Variants in GALNT10 observed in about 807,000 individuals in gnomAD.
GALNT10 encodes polypeptide N-acetylgalactosaminyltransferase 10.
Under a neutral mutation model 75.0 loss-of-function variants are expected in GALNT10, and 41 were observed. That is an observed-to-expected ratio of 0.55 (90% confidence interval 0.43 to 0.71). GALNT10 has a LOEUF of 0.71. Ranked by LOEUF, GALNT10 falls within the 30% of genes least tolerant of loss-of-function variation. The probability of loss-of-function intolerance (pLI) is 0.00; values close to 1 mark genes in which losing one functional copy is unlikely to be tolerated. For synonymous variants in GALNT10, 302 were observed against 313.0 expected, an observed-to-expected ratio of 0.96 and a Z score of 0.37; for missense variants, 727 against 818.5, an observed-to-expected ratio of 0.89 and a Z score of 1.36.
intron 1 of GALNT10, among the ~76,000 whole-genome samples, chr5:154,203,226 G>A (rs1775054115): frequency 6.6e-6 from 1 of 152,060 alleles, no homozygotes; most frequent in Admixed American, 6.5e-5. Context: ...CTCTCTGTCT[G>A]TGTGTGTTTC....
At chr5:154,268,334 C>T (rs894333563) in intron 1 of GALNT10, among the ~76,000 whole-genome samples, 10 of 152,134 alleles carry the variant, frequency 6.6e-5, no homozygotes, top group African/African-American at 2.2e-4. Context: ...CAGACTCCTA[C>T]GAGTCCACCA....
chr5:154,310,159 A>G (rs1754491797), intron 3 of GALNT10, among the ~76,000 whole-genome samples: 1 of 152,172 alleles, frequency 6.6e-6, no homozygotes, highest in African/African-American at 2.4e-5. Context: ...GAATAGAGAC[A>G]GGCTTCAAAG....
chr5:154,243,117 T>G (rs1414368524), intron 1 of GALNT10, among the ~76,000 whole-genome samples: 1 of 152,000 alleles, frequency 6.6e-6, no homozygotes, highest in Non-Finnish European at 1.5e-5. Context: ...CAAAATGAGA[T>G]AGCATCAGCC....
chr5:154,200,724 A>T (rs2113641772), intron 1 of GALNT10, among the ~76,000 whole-genome samples: 1 of 152,286 alleles, frequency 6.6e-6, no homozygotes, highest in South Asian at 2.1e-4. Context: ...TGGCTATTTC[A>T]TTCAGAGAGC....
chr5:154,370,373 G>A (rs973780247), intron 4 of GALNT10, among the ~76,000 whole-genome samples: 3 of 152,228 alleles, frequency 2.0e-5, no homozygotes, highest in African/African-American at 7.2e-5. Flanking sequence ...TGAGTGCCTT[G>A]AAGGATGAGT....
intron 1 of GALNT10, among the ~76,000 whole-genome samples, chr5:154,220,783 AG>A (rs1224145152): frequency 1.3e-5 from 2 of 152,234 alleles, no homozygotes; most frequent in African/African-American, 4.8e-5. Flanking sequence ...CCTTTCTGAC[AG>A]ACTCTGGGGT....
At chr5:154,328,693 G>A (rs970758381) in intron 3 of GALNT10, among the ~76,000 whole-genome samples, 1 of 152,170 alleles carries the variant, frequency 6.6e-6, no homozygotes, top group Non-Finnish European at 1.5e-5. Context: ...GATGCCATTT[G>A]CAAATCCAGA....
At chr5:154,196,548 C>T (rs139553597) in intron 1 of GALNT10, among the ~76,000 whole-genome samples, 4 of 152,222 alleles carry the variant, frequency 2.6e-5, no homozygotes, top group African/African-American at 9.6e-5. Flanking sequence ...CTGACTTTCT[C>T]TGTGTGTTGG....
intron 1 of GALNT10, among the ~76,000 whole-genome samples, chr5:154,206,577 G>A (rs997978178): frequency 3.9e-5 from 6 of 152,224 alleles, no homozygotes; most frequent in South Asian, 4.1e-4. Context: ...AATCAGGAAG[G>A]ACTTCTGAAA....
chr5:154,259,887 C>T (rs2113022668), intron 1 of GALNT10, among the ~76,000 whole-genome samples: 1 of 152,274 alleles, frequency 6.6e-6, no homozygotes. Context: ...TATTTAGCAC[C>T]TTTTGTATAC....
chr5:154,400,585 A>C (rs1282539602), intron 7 of GALNT10, among the ~76,000 whole-genome samples: 1 of 152,340 alleles, frequency 6.6e-6, no homozygotes, highest in Middle Eastern at 3.4e-3. Flanking sequence ...TGGACAGGCA[A>C]AAACAACAGA....
At chr5:154,240,546 T>C (rs1030331742) in intron 1 of GALNT10, among the ~76,000 whole-genome samples, 1 of 152,174 alleles carries the variant, frequency 6.6e-6, no homozygotes, top group Non-Finnish European at 1.5e-5. Flanking sequence ...TTCTGATAGT[T>C]TTCTGTGTCC....
intron 1 of GALNT10, among the ~76,000 whole-genome samples, chr5:154,279,847 G>A (rs1488000278): frequency 2.0e-5 from 3 of 152,012 alleles, no homozygotes; most frequent in Non-Finnish European, 2.9e-5. Flanking sequence ...AATCAAATAC[G>A]TGTTTTATGC....
At chr5:154,386,510 G>C in intron 7 of GALNT10, 80 bp downstream of exon 7, 1 of 945,790 alleles carries the variant, frequency 1.1e-6, no homozygotes, top group Non-Finnish European at 1.7e-6. Flanking sequence ...GCTTCTGCCT[G>C]AGCTTGGAAA....
At chr5:154,318,032 T>C (rs1754620253) in intron 3 of GALNT10, among the ~76,000 whole-genome samples, 1 of 152,232 alleles carries the variant, frequency 6.6e-6, no homozygotes, top group African/African-American at 2.4e-5. Context: ...CTTTCTCTGA[T>C]TTGCAGGTGC....
At chr5:154,304,009 CA>C (rs1754395863) in intron 3 of GALNT10, among the ~76,000 whole-genome samples, 1 of 151,946 alleles carries the variant, frequency 6.6e-6, no homozygotes, top group South Asian at 2.1e-4. Flanking sequence ...GAAATGAAAT[CA>C]ACAATGTCTA....
chr5:154,203,008 G>A (rs1437839583), intron 1 of GALNT10, among the ~76,000 whole-genome samples: 1 of 152,254 alleles, frequency 6.6e-6, no homozygotes, highest in African/African-American at 2.4e-5. Context: ...CGTTAAGAAG[G>A]CTGCCAAGTG....
chr5:154,313,586 G>A (rs1172128872), intron 3 of GALNT10, among the ~76,000 whole-genome samples: 1 of 152,162 alleles, frequency 6.6e-6, no homozygotes, highest in East Asian at 1.9e-4. Context: ...GGTGGGTTTG[G>A]CTGGCTCTCA....
At chr5:154,223,544 C>T (rs981551368) in intron 1 of GALNT10, among the ~76,000 whole-genome samples, 6 of 152,160 alleles carry the variant, frequency 3.9e-5, no homozygotes, top group Non-Finnish European at 8.8e-5. Context: ...CCAGAAAGCA[C>T]CATGAAGGGG....
Sources: allele counts gnomAD v4.1 joint callset (sites outside exome capture counted in the v4.1 genomes callset), GRCh38; gene constraint gnomAD v4.1.1; transcripts MANE v1.5; gene names NCBI Gene and HGNC (gene_info 2026-07-23, HGNC 2026-07-21).